ABCC4: variants seen among roughly 807,000 people sequenced by gnomAD.
ABCC4 encodes ATP-binding cassette sub-family C member 4.
Under a neutral mutation model 168.5 loss-of-function variants are expected in ABCC4, and 102 were observed. The observed-to-expected ratio is 0.61, with a 90% CI of 0.52 to 0.71. ABCC4 has a LOEUF of 0.71. Among genes scored for constraint, ABCC4 ranks in the 30% least tolerant of loss-of-function variants. ABCC4 has a pLI of 0.00. For synonymous variants in ABCC4, 617 were observed against 590.7 expected (o/e 1.04, Z -0.65); for missense variants, 1,402 against 1,605.8 (o/e 0.87, Z 2.17).
intron 4 of ABCC4, among the ~76,000 whole-genome samples, chr13:95,213,143 G>A (rs2039011025): frequency 6.6e-6 from 1 of 151,798 alleles, no homozygotes; most frequent in Middle Eastern, 3.2e-3. Context: ...AAAAAAAGAG[G>A]AAGACACAGC....
At chr13:95,198,193 AT>A (rs1305541419) in intron 8 of ABCC4, among the ~76,000 whole-genome samples, 4 of 151,954 alleles carry the variant, frequency 2.6e-5, no homozygotes, top group African/African-American at 9.7e-5. Flanking sequence ...ATGGAAGAAA[AT>A]TTTTGCAATC....
intron 30 of ABCC4, among the ~76,000 whole-genome samples, chr13:95,023,770 GGT>G (rs1004626168): frequency 6.5e-4 from 99 of 152,298 alleles, no homozygotes; most frequent in African/African-American, 1.8e-3. Flanking sequence ...GAATCCCTCT[GGT>G]GCATCTTTTA....
At chr13:95,126,818 TATATATTTATATATATTTAAGTACACCAA>T (rs1428639684) in intron 19 of ABCC4, among the ~76,000 whole-genome samples, 10 of 145,232 alleles carry the variant, frequency 6.9e-5, no homozygotes, top group African/African-American at 1.3e-4. Flanking sequence ...AAGTACACCA[TATATATTTATATATATTTAAGTACACCAA>T]ATATATATAT....
At chr13:95,260,888 A>G (rs775698271) in intron 1 of ABCC4, among the ~76,000 whole-genome samples, 8 of 151,680 alleles carry the variant, frequency 5.3e-5, no homozygotes, top group Non-Finnish European at 8.8e-5. Flanking sequence ...TTATTCAAGC[A>G]AACTAGATCC....
intron 27 of ABCC4, among the ~76,000 whole-genome samples, chr13:95,049,980 G>C (rs1412491287): frequency 1.3e-5 from 2 of 152,120 alleles, no homozygotes; most frequent in African/African-American, 4.8e-5. Flanking sequence ...GCTTTAAAGG[G>C]GGTTTCCAAA....
At chr13:95,118,298 G>C (rs2035448131) in intron 19 of ABCC4, among the ~76,000 whole-genome samples, 1 of 151,344 alleles carries the variant, frequency 6.6e-6, no homozygotes, top group African/African-American at 2.4e-5. Context: ...TGTTGCCCAG[G>C]CTGGAGGAGA....
At chr13:95,278,597 G>A (rs2041030746) in intron 1 of ABCC4, among the ~76,000 whole-genome samples, 1 of 151,938 alleles carries the variant, frequency 6.6e-6, no homozygotes, top group African/African-American at 2.4e-5. Flanking sequence ...GAGTTTGAAA[G>A]CAGCCTGTGC....
intron 1 of ABCC4, among the ~76,000 whole-genome samples, chr13:95,271,925 C>T (rs1274471351): frequency 6.6e-6 from 1 of 152,164 alleles, no homozygotes; most frequent in Non-Finnish European, 1.5e-5. Context: ...TAAGAAAAAG[C>T]CAGTTTGAAC....
At chr13:95,055,762 A>C (rs1239687000) in intron 26 of ABCC4, 1 of 152,192 alleles carries the variant, frequency 6.6e-6, no homozygotes, top group Non-Finnish European at 1.5e-5. Context: ...GTGCGCCTGT[A>C]ATTCCAGCTA....
chr13:95,058,790 C>T (rs2033174036), intron 26 of ABCC4, among the ~76,000 whole-genome samples: 1 of 152,104 alleles, frequency 6.6e-6, no homozygotes, highest in Admixed American at 6.5e-5. Context: ...ATGGGGCTAA[C>T]TTGACACACC....
chr13:95,049,336 A>ATAAAT (rs61178570), intron 27 of ABCC4, among the ~76,000 whole-genome samples: 1 of 151,176 alleles, frequency 6.6e-6, no homozygotes, highest in African/African-American at 2.4e-5. Flanking sequence ...TCTGTCTAAA[A>ATAAAT]AAATAAATAA....
At chr13:95,058,599 A>AAAGG (rs2033165402) in intron 26 of ABCC4, among the ~76,000 whole-genome samples, 1 of 137,876 alleles carries the variant, frequency 7.3e-6, no homozygotes, top group Non-Finnish European at 1.5e-5. Context: ...AAAAGAAAAG[A>AAAGG]AAAAGAAAAA....
chr13:95,213,068 A>G (rs1193056977), intron 4 of ABCC4, among the ~76,000 whole-genome samples: 2 of 151,898 alleles, frequency 1.3e-5, no homozygotes, highest in Non-Finnish European at 2.9e-5. Flanking sequence ...CAGAGGCTGC[A>G]GTGAGCCAAG....
At chr13:95,191,135 A>G (rs2038239006) in intron 9 of ABCC4, among the ~76,000 whole-genome samples, 6 of 152,212 alleles carry the variant, frequency 3.9e-5, no homozygotes, top group Admixed American at 3.9e-4. Flanking sequence ...CCACATCTCA[A>G]GCGGGCATGT....
chr13:95,178,038 G>C lies in ABCC4; in HGVS notation c.1599C>G (p.Thr533=). Residue 533 remains threonine, a synonymous_variant, in exon 12 of 31, where the codon ACC becomes ACG. Coordinates refer to ENST00000645237, the MANE Select transcript of ABCC4 (RefSeq NM_005845.5). ...GDLTVIGDRG[T]TLSGGQKARV... is the part of the protein sequence containing the mutation. Reference sequence around the variant, plus strand: ...GTGCTTTCTGCCCTCCACTCAGCGTGGTTCCCCGATCTCCTATCACAGTCA... The same window carrying C: ...GTGCTTTCTGCCCTCCACTCAGCGTCGTTCCCCGATCTCCTATCACAGTCA... 1 of 1,614,180 alleles carries C rather than the reference G, an allele frequency of 6.2e-7. No homozygotes were observed. The highest frequency in any genetic ancestry group is 8.5e-7 in the Non-Finnish European group (1 of 1,180,024).
At chr13:95,289,693 C>A (rs1163248049) in intron 1 of ABCC4, among the ~76,000 whole-genome samples, 2 of 152,186 alleles carry the variant, frequency 1.3e-5, no homozygotes, top group African/African-American at 4.8e-5. Flanking sequence ...GGGCAGCGAA[C>A]CTTTGGCCAG....
At chr13:95,032,697 C>T (rs952942023) in intron 30 of ABCC4, among the ~76,000 whole-genome samples, 12 of 151,660 alleles carry the variant, frequency 7.9e-5, no homozygotes, top group Middle Eastern at 3.4e-3. Flanking sequence ...CGCAGTTTCG[C>T]TCTGTTGCCA....
At position 95,295,011 on chromosome 13, in the gene ABCC4, G is replaced by T. The variant is rs529571384; in HGVS notation, c.74+6230C>A. On this transcript the variant is annotated intron_variant, in intron 1 of 30. Transcript: ENST00000645237. ...ATAAAAATAAGGCACTCAAATGTTT[G>T]CTAAATGAATAATCTAAACCGCAGA... Among the ~76,000 whole-genome samples, 18 of 152,152 alleles carry T rather than the reference G, an allele frequency of 1.2e-4. No individual in the cohort carries two copies. The South Asian group carries it at 2.9e-3, about 25-fold the overall frequency.
chr13:95,110,408 T>G (rs888313119), intron 20 of ABCC4, among the ~76,000 whole-genome samples: 1 of 152,144 alleles, frequency 6.6e-6, no homozygotes. Context: ...GGGAGAAACT[T>G]TGAGATATTC....
Sources: allele counts gnomAD v4.1 joint callset (sites outside exome capture counted in the v4.1 genomes callset), GRCh38; gene constraint gnomAD v4.1.1; transcripts MANE v1.5; gene names NCBI Gene and HGNC (gene_info 2026-07-23, HGNC 2026-07-21).